Variants in ABTB2 observed in about 807,000 individuals in gnomAD.
ABTB2 encodes the protein ankyrin repeat and BTB/POZ domain-containing protein 2.
A neutral mutation model predicts 104.1 loss-of-function variants in ABTB2; 56 were observed. The observed-to-expected ratio is 0.54, with a 90% CI of 0.43 to 0.67. The LOEUF is 0.67. Among genes scored for constraint, ABTB2 ranks in the 30% least tolerant of loss-of-function variants. ABTB2 has a pLI of 0.00. For synonymous variants in ABTB2, 606 were observed against 608.2 expected, an observed-to-expected ratio of 1.00 and a Z score of 0.05; for missense variants, 1,279 against 1,407.7, an observed-to-expected ratio of 0.91 and a Z score of 1.46.
chr11:34,231,773 G>A (rs527643987), intron 1 of ABTB2, among the ~76,000 whole-genome samples: 15 of 152,096 alleles, frequency 9.9e-5, no homozygotes, highest in African/African-American at 2.9e-4. Context: ...GGTGAGCCCC[G>A]CACCCGGCCG....
At chr11:34,164,116 C>T (rs1263740739) in intron 9 of ABTB2, among the ~76,000 whole-genome samples, 15 of 152,106 alleles carry the variant, frequency 9.9e-5, no homozygotes, top group African/African-American at 2.9e-4. Context: ...TATCCAGCCC[C>T]GCTTTTCCAG....
chr11:34,249,309 G>T (rs1402984105), intron 1 of ABTB2, among the ~76,000 whole-genome samples: 2 of 152,150 alleles, frequency 1.3e-5, no homozygotes, highest in Admixed American at 6.6e-5. Context: ...CTGCAACTGT[G>T]GTCAGTGTAG....
At chr11:34,198,830 C>T (rs569906151) in intron 2 of ABTB2, among the ~76,000 whole-genome samples, 16 of 152,232 alleles carry the variant, frequency 1.1e-4, no homozygotes, top group Non-Finnish European at 1.8e-4. Flanking sequence ...GGCACCTCCG[C>T]TCTAAGAAAA....
At chr11:34,213,322 A>T (rs1853506200) in intron 1 of ABTB2, among the ~76,000 whole-genome samples, 1 of 152,192 alleles carries the variant, frequency 6.6e-6, no homozygotes, top group African/African-American at 2.4e-5. Flanking sequence ...TCTACTAAAA[A>T]TCCAAAAATT....
intron 1 of ABTB2, among the ~76,000 whole-genome samples, chr11:34,285,948 G>A (rs1377492410): frequency 2.0e-5 from 3 of 152,128 alleles, no homozygotes; most frequent in Non-Finnish European, 4.4e-5. Context: ...GAGTCTCTTG[G>A]TACATTGCCC....
Position 34,171,058 on chromosome 11 carries a change from AAC to A in ABTB2, c.1409_1410del (p.Cys470PhefsTer14). The A allele has an allele frequency of 1.9e-6, 3 of 1,614,134 alleles. No homozygotes were observed. The South Asian group carries it at 3.3e-5, about 18-fold the overall frequency. ...CEPRQLKPEH[C>X]FSSFRRLDAR... ...GCATCCAGCCTCCGGAAGGAACTGA[AAC>A]AGTGTTCGGGTCTGCCCAGAAGAGA... On this transcript the variant is annotated frameshift_variant, in exon 5 of 17. Coordinates refer to ENST00000435224, the MANE Select transcript of ABTB2 (RefSeq NM_145804.3). LOFTEE classifies it high-confidence loss of function.
chr11:34,169,552 A>G (rs1852841476), intron 5 of ABTB2, among the ~76,000 whole-genome samples: 1 of 152,102 alleles, frequency 6.6e-6, no homozygotes, highest in Non-Finnish European at 1.5e-5. Context: ...TCCTAGGTCT[A>G]TCTGAAGCTA....
intron 1 of ABTB2, among the ~76,000 whole-genome samples, chr11:34,331,679 T>C (rs4756135): frequency 0.25 from 37,793 of 152,170 alleles, 5,848 homozygotes; most frequent in Non-Finnish European, 0.33. Flanking sequence ...CTTCAGTTGA[T>C]AAATGAATCT....
chr11:34,278,462 C>T (rs772741197), intron 1 of ABTB2, among the ~76,000 whole-genome samples: 35 of 152,252 alleles, frequency 2.3e-4, no homozygotes, highest in Non-Finnish European at 3.7e-4. Flanking sequence ...GGAACCTTTT[C>T]CTGTGCTACA....
intron 1 of ABTB2, among the ~76,000 whole-genome samples, chr11:34,306,624 T>G (rs1854775926): frequency 6.6e-6 from 1 of 151,664 alleles, no homozygotes; most frequent in South Asian, 2.1e-4. Flanking sequence ...CTGAGGAGGC[T>G]GAGGTGGGAG....
rs1476104586 is a variant in ABTB2 at position 34,356,800 on chromosome 11, C to T, written c.784G>A (p.Val262Met). ...PDGGGAGGGE[V>M]SAEALEMVIN... ...ACCATCTCCAGGGCCTCAGCAGACA[C>T]CTCCCCGCCTCCGGCCCCTCCGCCA... The change falls in exon 1 of 17, where the codon GTG (valine) becomes ATG (methionine). Residue 262 changes from valine to methionine, a missense_variant. Val to Met is a conservative substitution (Grantham distance 21, BLOSUM62 1). Coordinates refer to ENST00000435224, the MANE Select transcript of ABTB2 (RefSeq NM_145804.3). This position sits in a 1 kb window ranked among gnomAD's most constrained non-coding sequence, Gnocchi z 4.6. 6 of 1,607,574 alleles carry T rather than the reference C, an allele frequency of 3.7e-6. No individual in the cohort carries two copies. Among genetic ancestry groups the T allele is most frequent in the Non-Finnish European group, 5.1e-6 (6 of 1,177,164 alleles).
chr11:34,352,003 T>C (rs1438541450), intron 1 of ABTB2, among the ~76,000 whole-genome samples: 1 of 152,160 alleles, frequency 6.6e-6, no homozygotes, highest in Non-Finnish European at 1.5e-5. Flanking sequence ...TTTAATAAAA[T>C]GGTTAAAGAG....
intron 1 of ABTB2, among the ~76,000 whole-genome samples, chr11:34,304,777 C>G (rs1854751555): frequency 6.6e-6 from 1 of 152,044 alleles, no homozygotes; most frequent in Non-Finnish European, 1.5e-5. Flanking sequence ...AGTGGTGGGG[C>G]CAGGATTCAA....
rs374762687 is a variant in ABTB2, at chr11:34,224,658, G to A, written c.884-19968C>T. 2.0e-4 allele frequency among the ~76,000 whole-genome samples: 30 copies of A among 152,268 alleles called. No homozygotes were observed. The East Asian group carries it at 2.3e-3, about 12-fold the overall frequency. On this transcript the variant is annotated intron_variant, in intron 1 of 16. Coordinates refer to ENST00000435224, the MANE Select transcript of ABTB2 (RefSeq NM_145804.3). ...ACCACCTTTGAGCCTCAGTTTGCTCGTCTGCACAGTGGAAATAGCACCTAC... is the reference window on the plus strand; with the variant it reads ...ACCACCTTTGAGCCTCAGTTTGCTCATCTGCACAGTGGAAATAGCACCTAC...
chr11:34,216,859 A>G (rs970235578), intron 1 of ABTB2, among the ~76,000 whole-genome samples: 7 of 152,246 alleles, frequency 4.6e-5, no homozygotes, highest in Non-Finnish European at 1.5e-5. Context: ...ATTGAGGACT[A>G]GCTAAAACAG....
chr11:34,255,089 T>G (rs1305332114), intron 1 of ABTB2, among the ~76,000 whole-genome samples: 2 of 152,218 alleles, frequency 1.3e-5, no homozygotes, highest in South Asian at 2.1e-4. Context: ...TATCATTCAA[T>G]GTTCACAACA....
chr11:34,240,033 C>T (rs1276567550), intron 1 of ABTB2, among the ~76,000 whole-genome samples: 1 of 152,192 alleles, frequency 6.6e-6, no homozygotes, highest in East Asian at 1.9e-4. Context: ...TCAATTTCCT[C>T]ACCACAAAAG....
At chr11:34,157,326 T>C (rs1371536773) in intron 14 of ABTB2, among the ~76,000 whole-genome samples, 46 of 152,208 alleles carry the variant, frequency 3.0e-4, no homozygotes, top group Non-Finnish European at 1.5e-5. Context: ...AAGGCATGTG[T>C]GTGCTGTGGA....
intron 9 of ABTB2, 90 bp downstream of exon 9, chr11:34,164,596 G>T: frequency 7.4e-7 from 1 of 1,352,594 alleles, no homozygotes. Flanking sequence ...TCCGGGCCTA[G>T]CTCTTTTGCT....
Sources: gnomAD v4.1 joint callset for allele counts (sites outside exome capture counted in the v4.1 genomes callset) on GRCh38, gnomAD v4.1.1 for gene constraint, Gnocchi (gnomAD v3.1) non-coding constraint, MANE v1.5 for transcripts, NCBI Gene and HGNC (gene_info 2026-07-23, HGNC 2026-07-21) for gene names.